Variants in CTNNA2 observed in about 807,000 individuals in gnomAD.
CTNNA2 encodes catenin alpha-2.
A neutral mutation model predicts 101.0 loss-of-function variants in CTNNA2; 42 were observed. The observed-to-expected ratio is 0.42, with a 90% CI of 0.32 to 0.54. The LOEUF is 0.54. CTNNA2 is among the 20% of genes least tolerant of loss of function. The pLI, the probability that CTNNA2 is intolerant of heterozygous loss-of-function variation, is 0.14. For synonymous variants in CTNNA2, 450 were observed against 456.4 expected (o/e 0.99, Z 0.18); for missense variants, 871 against 1,223.1 (o/e 0.71, Z 4.29).
intron 1 of CTNNA2, among the ~76,000 whole-genome samples, chr2:79,556,260 T>A (rs1158508797): frequency 1.3e-5 from 2 of 152,034 alleles, no homozygotes; most frequent in East Asian, 3.9e-4. Context: ...TTTCATGCAT[T>A]TGTTCAGTAA....
At chr2:80,172,617 G>C (rs577184736) in intron 7 of CTNNA2, among the ~76,000 whole-genome samples, 11 of 152,182 alleles carry the variant, frequency 7.2e-5, no homozygotes, top group Non-Finnish European at 1.5e-4. Flanking sequence ...CATAAACTGG[G>C]TGGCTTAAAC....
chr2:79,520,340 T>A (rs1573229804), intron 1 of CTNNA2, among the ~76,000 whole-genome samples: 1 of 152,336 alleles, frequency 6.6e-6, no homozygotes, highest in East Asian at 1.9e-4. Context: ...TGCTCATTTT[T>A]ATATTCCTTT....
intron 7 of CTNNA2, among the ~76,000 whole-genome samples, chr2:80,043,072 TTTCTTTCTTTCTTTCTTTCTTTCTCTCTC>T (rs1696221476): frequency 1.9e-5 from 1 of 52,974 alleles, no homozygotes. Context: ...TCTTTCTTTC[TTTCTTTCTTTCTTTCTTTCTTTCTCTCTC>T]TCTCTCTCTC....
chr2:80,235,002 C>T (rs1168449051), intron 7 of CTNNA2, among the ~76,000 whole-genome samples: 2 of 151,994 alleles, frequency 1.3e-5, no homozygotes, highest in Non-Finnish European at 2.9e-5. Context: ...TATCTAATCA[C>T]TTGTTTATAA....
intron 2 of CTNNA2, among the ~76,000 whole-genome samples, chr2:79,308,078 C>A (rs1676287041): frequency 6.6e-6 from 1 of 152,084 alleles, no homozygotes. Flanking sequence ...GAGTTTTGCT[C>A]TTGTTGCCCA....
intron 3 of CTNNA2, among the ~76,000 whole-genome samples, chr2:79,331,780 T>C (rs1364241801): frequency 6.6e-6 from 1 of 152,160 alleles, no homozygotes; most frequent in Non-Finnish European, 1.5e-5. Context: ...ACTCCATAGT[T>C]CTGAAGGCTA....
intron 7 of CTNNA2, among the ~76,000 whole-genome samples, chr2:80,179,451 G>A (rs1705617426): frequency 6.6e-6 from 1 of 151,946 alleles, no homozygotes; most frequent in Admixed American, 6.6e-5. Context: ...TCAGCTCACT[G>A]CAGGCTCTGC....
intron 1 of CTNNA2, among the ~76,000 whole-genome samples, chr2:79,602,219 G>C (rs1332683046): frequency 1.3e-5 from 2 of 152,124 alleles, no homozygotes; most frequent in Non-Finnish European, 2.9e-5. Flanking sequence ...TCAGGAATGT[G>C]AGTTTGGTTT....
chr2:80,153,583 C>T (rs1703831839), intron 7 of CTNNA2, among the ~76,000 whole-genome samples: 1 of 152,180 alleles, frequency 6.6e-6, no homozygotes, highest in South Asian at 2.1e-4. Context: ...TTCCTCACTG[C>T]TCCTTCTTTT....
chr2:80,164,940 T>G (rs976956433), intron 7 of CTNNA2, among the ~76,000 whole-genome samples: 1 of 109,598 alleles, frequency 9.1e-6, no homozygotes, highest in Non-Finnish European at 1.7e-5. Context: ...CAACTTTTGG[T>G]TTTTTTTTTT....
At chr2:79,561,475 G>A (rs1448270676) in intron 1 of CTNNA2, among the ~76,000 whole-genome samples, 1 of 151,816 alleles carries the variant, frequency 6.6e-6, no homozygotes, top group African/African-American at 2.4e-5. Flanking sequence ...TAGTTGCATG[G>A]TAACGCTAAG....
chr2:79,933,169 A>G (rs1376954437), intron 7 of CTNNA2, among the ~76,000 whole-genome samples: 4 of 152,136 alleles, frequency 2.6e-5, no homozygotes, highest in African/African-American at 9.7e-5. Context: ...AATGGTATTT[A>G]TTGAGCAACC....
intron 9 of CTNNA2, among the ~76,000 whole-genome samples, chr2:80,455,234 T>G (rs1340847940): frequency 6.6e-6 from 1 of 152,212 alleles, no homozygotes. Flanking sequence ...AGTAGGCCTA[T>G]GTCAAGAAAG....
rs1409655815 is a variant in CTNNA2, at chr2:79,762,016, G to C, written c.298+17434G>C. On this transcript the variant is annotated intron_variant, in intron 3 of 18. Coordinates refer to ENST00000402739, the MANE Select transcript of CTNNA2 (RefSeq NM_001282597.3). ...TGATCTGAGAGCCCCATTGTATTCT[G>C]TTTGTTTTCCTTAAGAAAAGCAAGG... Among the ~76,000 whole-genome samples the C allele has an allele frequency of 2.0e-5, 3 of 152,058 alleles. 1 individual carries two copies. Among genetic ancestry groups the C allele is most frequent in the Non-Finnish European group, 4.4e-5 (3 of 68,018 alleles).
intron 6 of CTNNA2, among the ~76,000 whole-genome samples, chr2:79,885,602 A>G (rs1160773519): frequency 6.6e-6 from 1 of 152,238 alleles, no homozygotes; most frequent in African/African-American, 2.4e-5. Flanking sequence ...AACTTGCCCC[A>G]GGCCTTATCT....
intron 7 of CTNNA2, among the ~76,000 whole-genome samples, chr2:80,064,801 A>T (rs1697860350): frequency 6.6e-6 from 1 of 152,218 alleles, no homozygotes; most frequent in South Asian, 2.1e-4. Flanking sequence ...CAAACAAGTC[A>T]TGTGGCTAAG....
chr2:79,984,036 T>G (rs1458686836), intron 7 of CTNNA2, among the ~76,000 whole-genome samples: 5 of 152,186 alleles, frequency 3.3e-5, no homozygotes, highest in Non-Finnish European at 7.3e-5. Flanking sequence ...AAAACCTCGG[T>G]TTCTACTCAA....
At chr2:79,496,221 T>C (rs1671254448) in intron 4 of CTNNA2, among the ~76,000 whole-genome samples, 1 of 152,166 alleles carries the variant, frequency 6.6e-6, no homozygotes, top group Admixed American at 6.5e-5. Context: ...CAATTGTTTC[T>C]GTTTATAAGC....
intron 7 of CTNNA2, among the ~76,000 whole-genome samples, chr2:79,948,559 T>C (rs1292049624): frequency 6.6e-6 from 1 of 152,212 alleles, no homozygotes; most frequent in African/African-American, 2.4e-5. Context: ...AAAGAGAAGA[T>C]ATTGATGTGA....
Sources: gnomAD v4.1 joint callset for allele counts (sites outside exome capture counted in the v4.1 genomes callset) on GRCh38, gnomAD v4.1.1 for gene constraint, MANE v1.5 for transcripts, NCBI Gene and HGNC (gene_info 2026-07-23, HGNC 2026-07-21) for gene names.